PXDNL: variants seen among roughly 807,000 people sequenced by gnomAD.
The protein encoded by PXDNL is peroxidasin like.
In PXDNL, 145 loss-of-function variants were observed where a neutral mutation model predicts 150.8. That is an observed-to-expected ratio of 0.96 (90% CI 0.84 to 1.10). The LOEUF (loss-of-function observed/expected upper bound fraction) is 1.10. Among genes scored for constraint, PXDNL ranks in the 50% least tolerant of loss-of-function variants. PXDNL has a pLI of 0.00. For synonymous variants in PXDNL, 757 were observed against 725.7 expected (o/e 1.04, Z -0.69); for missense variants, 2,087 against 1,873.9 (o/e 1.11, Z -2.10).
intron 1 of PXDNL, among the ~76,000 whole-genome samples, chr8:51,742,334 C>T (rs759468873): frequency 1.3e-5 from 2 of 152,166 alleles, no homozygotes; most frequent in African/African-American, 2.4e-5. Flanking sequence ...CACGCATCTA[C>T]TCAGGTGGTA....
At chr8:51,510,539 A>G (rs1169501447) in intron 4 of PXDNL, among the ~76,000 whole-genome samples, 1 of 152,204 alleles carries the variant, frequency 6.6e-6, no homozygotes, top group African/African-American at 2.4e-5. Context: ...GCATAGGACA[A>G]AGCATACAAG....
intron 1 of PXDNL, among the ~76,000 whole-genome samples, chr8:51,686,945 T>C (rs1292175804): frequency 6.6e-6 from 1 of 151,946 alleles, no homozygotes; most frequent in Non-Finnish European, 1.5e-5. Flanking sequence ...CATCAAAAAC[T>C]CCAGTAGAAA....
intron 1 of PXDNL, among the ~76,000 whole-genome samples, chr8:51,667,528 G>T (rs1193522210): frequency 6.6e-6 from 1 of 152,138 alleles, no homozygotes; most frequent in Admixed American, 6.5e-5. Context: ...TTCATGGCTG[G>T]TTTACTGCAA....
chr8:51,631,574 C>T (rs781236711), intron 2 of PXDNL, among the ~76,000 whole-genome samples: 1 of 151,990 alleles, frequency 6.6e-6, no homozygotes, highest in African/African-American at 2.4e-5. Flanking sequence ...AATAACAGCT[C>T]TAAACAATAC....
intron 12 of PXDNL, among the ~76,000 whole-genome samples, chr8:51,429,361 C>G (rs1563408804): frequency 6.6e-6 from 1 of 152,156 alleles, no homozygotes. Flanking sequence ...TGACGGATCA[C>G]CTGAGGTCAA....
intron 10 of PXDNL, among the ~76,000 whole-genome samples, chr8:51,450,271 CT>C (rs373338723): frequency 6.6e-6 from 1 of 152,296 alleles, no homozygotes; most frequent in Non-Finnish European, 1.5e-5. Flanking sequence ...TTTTTGCCAG[CT>C]CCTTTACTGC....
intron 9 of PXDNL, 41 bp downstream of exon 9, chr8:51,457,457 C>T: frequency 6.8e-7 from 1 of 1,461,912 alleles, no homozygotes; most frequent in Non-Finnish European, 9.4e-7. Flanking sequence ...GATCATTTTC[C>T]AGTGCAGATA....
intron 19 of PXDNL, among the ~76,000 whole-genome samples, chr8:51,365,806 G>T (rs1262594778): frequency 6.6e-6 from 1 of 152,186 alleles, no homozygotes; most frequent in Non-Finnish European, 1.5e-5. Flanking sequence ...ACCAAAAAGG[G>T]AGAGGAGGTT....
intron 4 of PXDNL, among the ~76,000 whole-genome samples, chr8:51,504,352 C>T (rs12541541): frequency 0.37 from 55,984 of 151,920 alleles, 11,428 homozygotes; most frequent in African/African-American, 0.55. Flanking sequence ...TTCCAGTATC[C>T]CCTTTATCCC....
chr8:51,427,713 CAGAA>C (rs1480098723), intron 12 of PXDNL, among the ~76,000 whole-genome samples: 2 of 152,096 alleles, frequency 1.3e-5, no homozygotes, highest in East Asian at 3.8e-4. Context: ...ACAGACCTCT[CAGAA>C]AGAAAATAAA....
chr8:51,520,786 C>T (rs1401340506), intron 4 of PXDNL, among the ~76,000 whole-genome samples: 1 of 145,922 alleles, frequency 6.9e-6, no homozygotes, highest in African/African-American at 2.7e-5. Context: ...TTGCTCAACA[C>T]TCCTGGCCCT....
intron 1 of PXDNL, among the ~76,000 whole-genome samples, chr8:51,719,511 C>T (rs1179121567): frequency 6.6e-6 from 1 of 152,064 alleles, no homozygotes; most frequent in African/African-American, 2.4e-5. Flanking sequence ...TGCGGAAGGC[C>T]GCAGGGTCCC....
At chr8:51,744,123 GAAGAAAGAGA>G (rs1585716844) in intron 1 of PXDNL, among the ~76,000 whole-genome samples, 7 of 75,188 alleles carry the variant, frequency 9.3e-5, no homozygotes, top group Non-Finnish European at 1.6e-4. Context: ...AGAAAGAAAG[GAAGAAAGAGA>G]AAGGAAGGAA....
At chr8:51,392,407 T>C (rs1184868170) in intron 17 of PXDNL, among the ~76,000 whole-genome samples, 3 of 152,194 alleles carry the variant, frequency 2.0e-5, no homozygotes, top group Admixed American at 6.5e-5. Flanking sequence ...TATCCTCTTT[T>C]ATTTCATTGA....
chr8:51,436,698 A>G (rs1265447056), intron 12 of PXDNL, among the ~76,000 whole-genome samples: 2 of 152,176 alleles, frequency 1.3e-5, no homozygotes, highest in Non-Finnish European at 2.9e-5. Context: ...TCTGGGATAA[A>G]GCAAACACAG....
intron 1 of PXDNL, among the ~76,000 whole-genome samples, chr8:51,655,718 G>T (rs1815135939): frequency 6.6e-6 from 1 of 152,130 alleles, no homozygotes; most frequent in South Asian, 2.1e-4. Context: ...AGCTGGAGTT[G>T]TTTTTAAGCA....
chr8:51,465,610 T>C (rs1810188072), intron 8 of PXDNL, among the ~76,000 whole-genome samples: 1 of 152,202 alleles, frequency 6.6e-6, no homozygotes, highest in East Asian at 1.9e-4. Flanking sequence ...AAAGTCAAAC[T>C]ATCTCTATTT....
chr8:51,725,602 T>C (rs1477745667), intron 1 of PXDNL, among the ~76,000 whole-genome samples: 1 of 152,152 alleles, frequency 6.6e-6, no homozygotes, highest in African/African-American at 2.4e-5. Flanking sequence ...GAGAAGAACA[T>C]CTCCCACCTC....
intron 3 of PXDNL, among the ~76,000 whole-genome samples, chr8:51,578,577 C>T (rs1291916244): frequency 6.6e-6 from 1 of 151,578 alleles, no homozygotes; most frequent in Non-Finnish European, 1.5e-5. Flanking sequence ...TTAAAACAAT[C>T]TATAAAAATT....
Sources: gnomAD v4.1 joint callset for allele counts (sites outside exome capture counted in the v4.1 genomes callset) on GRCh38, gnomAD v4.1.1 for gene constraint, MANE v1.5 for transcripts, NCBI Gene and HGNC (gene_info 2026-07-23, HGNC 2026-07-21) for gene names.